Variants in ZMAT4 observed in about 807,000 individuals in gnomAD.
ZMAT4 encodes zinc finger matrin-type protein 4.
Under a neutral mutation model 28.7 loss-of-function variants are expected in ZMAT4, and 17 were observed. The ratio of observed to expected loss-of-function variants is 0.59; its 90% confidence interval spans 0.41 to 0.89. The LOEUF is 0.89. ZMAT4 is among the 40% of genes least tolerant of loss of function. The pLI is 0.00. For missense variants in ZMAT4, 240 were observed against 283.8 expected, an observed-to-expected ratio of 0.85 and a Z score of 1.11; for synonymous variants, 117 against 109.2, an observed-to-expected ratio of 1.07 and a Z score of -0.44.
intron 5 of ZMAT4, among the ~76,000 whole-genome samples, chr8:40,651,367 C>T (rs1456546788): frequency 6.6e-6 from 1 of 152,032 alleles, no homozygotes; most frequent in African/African-American, 2.4e-5. Flanking sequence ...ATGCAACTTA[C>T]AAGGGATGTG....
intron 3 of ZMAT4, among the ~76,000 whole-genome samples, chr8:40,763,042 G>A (rs535764107): frequency 6.6e-6 from 1 of 152,294 alleles, no homozygotes; most frequent in Non-Finnish European, 1.5e-5. Context: ...TTAAGAAGTG[G>A]TTCAGTGTCA....
At chr8:40,833,234 T>C (rs1273099051) in intron 1 of ZMAT4, among the ~76,000 whole-genome samples, 1 of 11,936 alleles carries the variant, frequency 8.4e-5, no homozygotes, top group African/African-American at 3.3e-4. Flanking sequence ...AAAGCAGATT[T>C]AGAGGGGAAA....
chr8:40,806,074 A>T (rs1315089893), intron 2 of ZMAT4, among the ~76,000 whole-genome samples: 22 of 152,232 alleles, frequency 1.4e-4, no homozygotes, highest in Non-Finnish European at 7.3e-5. Flanking sequence ...GGAACATTTC[A>T]TCTTTATACC....
intron 1 of ZMAT4, among the ~76,000 whole-genome samples, chr8:40,860,660 C>G (rs1283935887): frequency 6.6e-6 from 1 of 152,210 alleles, no homozygotes; most frequent in Admixed American, 6.5e-5. Context: ...GAACACAGAC[C>G]ACATACTACA....
intron 1 of ZMAT4, 68 bp from the exon 2 acceptor site, chr8:40,825,748 T>A: frequency 7.8e-7 from 1 of 1,289,152 alleles, no homozygotes; most frequent in Non-Finnish European, 1.1e-6. Context: ...ATATTAACCG[T>A]ATGAAAAGCC....
At chr8:40,657,029 ATTAT>A (rs1563392497) in intron 5 of ZMAT4, among the ~76,000 whole-genome samples, 1 of 152,100 alleles carries the variant, frequency 6.6e-6, no homozygotes, top group Non-Finnish European at 1.5e-5. Context: ...GTATTTATTT[ATTAT>A]TTATTTACTT....
chr8:40,657,112 C>T (rs368381434), intron 5 of ZMAT4, among the ~76,000 whole-genome samples: 174 of 152,280 alleles, frequency 1.1e-3, no homozygotes, highest in Non-Finnish European at 8.8e-4. Context: ...CTCACTGCAA[C>T]TTCTACCTCC....
At chr8:40,537,318 T>A (rs1161237806) in intron 6 of ZMAT4, among the ~76,000 whole-genome samples, 1 of 151,928 alleles carries the variant, frequency 6.6e-6, no homozygotes, top group Admixed American at 6.6e-5. Context: ...TCCAAAACCT[T>A]CTTGAAAAAA....
chr8:40,769,434 C>T (rs146670428), intron 2 of ZMAT4, among the ~76,000 whole-genome samples: 3 of 152,250 alleles, frequency 2.0e-5, no homozygotes, highest in Non-Finnish European at 4.4e-5. Flanking sequence ...AACATCTGTA[C>T]ATATTTTCTG....
In ZMAT4 at chr8:40,568,240, A is replaced by C. The variant is rs531695686; in HGVS notation, c.674+12925T>G. On this transcript the variant is annotated intron_variant, in intron 6 of 6. Transcript: ENST00000297737. The stretch of plus-strand genomic sequence containing the variant: ...GAGGAAGTGGGAGTCTGAGTGAGAA[A>C]TTAGGGTGTAATGGCCACATATAAT... 2.6e-5 allele frequency among the ~76,000 whole-genome samples: 4 copies of C among 152,292 alleles called. No individual in the cohort carries two copies. In the East Asian group the frequency reaches 7.7e-4, roughly 29 times the overall value.
At chr8:40,816,248 A>G (rs1437161507) in intron 2 of ZMAT4, among the ~76,000 whole-genome samples, 1 of 152,022 alleles carries the variant, frequency 6.6e-6, no homozygotes, top group African/African-American at 2.4e-5. Flanking sequence ...GTCACCCACA[A>G]TCCCCATCAG....
At chr8:40,812,485 A>C (rs928831869) in intron 2 of ZMAT4, among the ~76,000 whole-genome samples, 8 of 152,236 alleles carry the variant, frequency 5.3e-5, no homozygotes, top group African/African-American at 1.9e-4. Flanking sequence ...ATCCAAAACG[A>C]GGAAAACCTG....
chr8:40,694,794 G>T (rs1177367013), intron 4 of ZMAT4, among the ~76,000 whole-genome samples: 1 of 152,108 alleles, frequency 6.6e-6, no homozygotes, highest in Non-Finnish European at 1.5e-5. Flanking sequence ...TTAGAAACCA[G>T]AACCGCCTTT....
At chr8:40,537,490 T>C (rs1241680566) in intron 6 of ZMAT4, among the ~76,000 whole-genome samples, 3 of 152,176 alleles carry the variant, frequency 2.0e-5, no homozygotes, top group Admixed American at 6.6e-5. Flanking sequence ...CTAATACATA[T>C]ACACTAGCAA....
chr8:40,853,261 A>G (rs929512510), intron 1 of ZMAT4, among the ~76,000 whole-genome samples: 1 of 152,204 alleles, frequency 6.6e-6, no homozygotes, highest in Non-Finnish European at 1.5e-5. Flanking sequence ...ATTTAATACA[A>G]TTAATAATTT....
chr8:40,768,829 C>A (rs1433568049), intron 2 of ZMAT4, among the ~76,000 whole-genome samples: 1 of 152,162 alleles, frequency 6.6e-6, no homozygotes, highest in Non-Finnish European at 1.5e-5. Flanking sequence ...CTTTCCTTTA[C>A]TCAGAGGTTA....
At chr8:40,786,126 C>A (rs1814066596) in intron 2 of ZMAT4, among the ~76,000 whole-genome samples, 1 of 152,098 alleles carries the variant, frequency 6.6e-6, no homozygotes, top group Non-Finnish European at 1.5e-5. Flanking sequence ...GTGCCTTAAA[C>A]ACAACCATCT....
chr8:40,795,294 G>A (rs1814544636), intron 2 of ZMAT4, among the ~76,000 whole-genome samples: 1 of 152,136 alleles, frequency 6.6e-6, no homozygotes, highest in South Asian at 2.1e-4. Context: ...CCCATGCAAA[G>A]AGGCCCTGGC....
chr8:40,676,176 G>A (rs1808899898), intron 4 of ZMAT4, among the ~76,000 whole-genome samples: 1 of 152,030 alleles, frequency 6.6e-6, no homozygotes, highest in African/African-American at 2.4e-5. Flanking sequence ...ATCTAGTGAT[G>A]GGAAAAACAG....
Sources: gnomAD v4.1 joint callset for allele counts (sites outside exome capture counted in the v4.1 genomes callset) on GRCh38, gnomAD v4.1.1 for gene constraint, MANE v1.5 for transcripts, NCBI Gene and HGNC (gene_info 2026-07-23, HGNC 2026-07-21) for gene names.